CYBC1: variants seen among roughly 807,000 people sequenced by gnomAD.
CYBC1 encodes essential for reactive oxygen species protein.
A neutral mutation model predicts 21.7 loss-of-function variants in CYBC1; 22 were observed. The observed-to-expected ratio is 1.02, with a 90% CI of 0.73 to 1.45. CYBC1 has a LOEUF of 1.45. Ranked by LOEUF, CYBC1 falls within the 40% of genes most tolerant of loss-of-function variation. The pLI is 0.00. For synonymous variants in CYBC1, 112 were observed against 98.7 expected, an observed-to-expected ratio of 1.13 and a Z score of -0.80; for missense variants, 237 against 242.1, an observed-to-expected ratio of 0.98 and a Z score of 0.14.
rs942096822 is a variant in CYBC1, at chr17:82,444,342, C to T, written c.443+105G>A. On this transcript the variant is annotated intron_variant, in intron 6 of 6. Coordinates refer to ENST00000306645, the MANE Select transcript of CYBC1 (RefSeq NM_001033046.4). ...CGTGGGCCCCTCTGTGTCCCGTCCA[C>T]AAACTCATCTCCTCTCCCAGCTGCC... 14 of 1,507,266 alleles carry T rather than the reference C, an allele frequency of 9.3e-6. No homozygotes were observed. In the East Asian group the frequency reaches 3.0e-4, roughly 32 times the overall value. 93.4% of individuals were successfully genotyped at this position (1,507,266 alleles called of 1,614,324 possible).
At chr17:82,446,318 C>T (rs1278347427) in intron 4 of CYBC1, among the ~76,000 whole-genome samples, 1 of 152,170 alleles carries the variant, frequency 6.6e-6, no homozygotes, top group African/African-American at 2.4e-5. Flanking sequence ...GGTGGGAGGG[C>T]CGGCCACGGG....
intron 2 of CYBC1, 193 bp downstream of exon 2, chr17:82,448,975 AAG>A: frequency 1.8e-6 from 1 of 567,812 alleles, no homozygotes. Flanking sequence ...TAGTGATTAA[AAG>A]GGGACAAAAC....
intron 3 of CYBC1, chr17:82,446,944 G>A (rs1046590012): frequency 1.8e-6 from 1 of 567,014 alleles, no homozygotes; most frequent in Non-Finnish European, 3.2e-6. Flanking sequence ...GCCCGTCTGG[G>A]CAGGCCCAGT....
intron 2 of CYBC1, 167 bp downstream of exon 2, chr17:82,449,003 G>A: frequency 1.7e-6 from 1 of 605,412 alleles, no homozygotes; most frequent in African/African-American, 1.9e-5. Context: ...TGCATTATCT[G>A]TAAAACCAAG....
intron 5 of CYBC1, chr17:82,444,875 G>A (rs1189453287): frequency 1.4e-5 from 6 of 437,060 alleles, no homozygotes; most frequent in East Asian, 7.9e-5. Context: ...CGCTCAGCGC[G>A]AGGCCATCTT....
At chr17:82,447,785 C>A in intron 2 of CYBC1, 164 bp from the exon 3 acceptor site, 1 of 681,812 alleles carries the variant, frequency 1.5e-6, no homozygotes, top group Non-Finnish European at 2.6e-6. Context: ...GGGGAAACAG[C>A]CAGGAAGCTG....
chr17:82,444,678 C>T (rs577077058), intron 5 of CYBC1, 87 bp from the exon 6 acceptor site: 105 of 1,470,918 alleles, frequency 7.1e-5, no homozygotes, highest in Non-Finnish European at 8.7e-5. Flanking sequence ...TCATCGAAAG[C>T]GACAGCCACA....
At chr17:82,446,149 G>A (rs553789881) in intron 4 of CYBC1, among the ~76,000 whole-genome samples, 189 bp from the exon 5 acceptor site, 2 of 152,204 alleles carry the variant, frequency 1.3e-5, no homozygotes, top group Admixed American at 6.5e-5. Context: ...CAGCCAACCC[G>A]ACTCCTGTTG....
In CYBC1 at chr17:82,446,573, C is replaced by T. The variant is rs776577551; in HGVS notation, c.201+50G>A. 1.5e-5 allele frequency: 24 copies of T among 1,588,242 alleles called. No individual in the cohort carries two copies. The Admixed American group carries it at 4.0e-4, about 27-fold the overall frequency. On this transcript the variant is annotated intron_variant, in intron 4 of 6. Coordinates refer to ENST00000306645, the MANE Select transcript of CYBC1 (RefSeq NM_001033046.4). ...TCCTTTCATTCCCATTGCAAAAAAC[C>T]CAGGAGCTGAACAGCCCTGGACTCT...
At chr17:82,447,544 G>A in intron 3 of CYBC1, 36 bp downstream of exon 3, 1 of 864,986 alleles carries the variant, frequency 1.2e-6, no homozygotes, top group Non-Finnish European at 1.7e-6. Context: ...AAACAGCTGA[G>A]ACAGTCATGG....
intron 2 of CYBC1, 200 bp from the exon 3 acceptor site, chr17:82,447,821 G>A (rs1292928460): frequency 2.5e-5 from 16 of 633,188 alleles, no homozygotes; most frequent in African/African-American, 9.2e-5. Context: ...ATAGCTGGGC[G>A]TAGTATCACA....
Position 82,444,337 on chromosome 17 carries a change from G to A in CYBC1, c.443+110C>T, listed in dbSNP as rs544559279. The stretch of plus-strand genomic sequence containing the variant: ...CTTCCCGTGGGCCCCTCTGTGTCCC[G>A]TCCACAAACTCATCTCCTCTCCCAG... On this transcript the variant is annotated intron_variant, in intron 6 of 6. Coordinates refer to ENST00000306645, the MANE Select transcript of CYBC1 (RefSeq NM_001033046.4). The A allele has an allele frequency of 1.4e-3, 2,095 of 1,493,134 alleles. 9 individuals carry two copies. The highest frequency in any genetic ancestry group is 4.0e-3 in the South Asian group (308 of 77,616). The allele number at this position is 1,493,134 out of a possible 1,614,324, so 92.5% of individuals were successfully genotyped here.
intron 5 of CYBC1, chr17:82,445,222 CGGACCCCG>C (rs1262601329): frequency 6.5e-6 from 1 of 153,954 alleles, no homozygotes; most frequent in African/African-American, 2.4e-5. Flanking sequence ...CATGGGCGGC[CGGACCCCG>C]GGGCCTCTGT....
At position 82,449,248 on chromosome 17, in the gene CYBC1, G is replaced by A. The variant is rs2054459352; in HGVS notation, c.7C>T (p.Leu3=). Residue 3 remains leucine (L), a synonymous_variant, in exon 2 of 7, where the codon CTG becomes TTG. Transcript: ENST00000306645. ...GAGCTGGTGCGGGTCTCCACCTGCA[G>A]GTACATCCCGAGAGGGCAGCACCAC... is the stretch of plus-strand genomic sequence containing the variant. MY[L]QVETRTSSRL... 6.4e-7 allele frequency: 1 copy of A among 1,568,952 alleles called. No homozygotes were observed. Among genetic ancestry groups the A allele is most frequent in the African/African-American group, 1.4e-5 (1 of 73,738 alleles).
intron 3 of CYBC1, 181 bp downstream of exon 3, chr17:82,447,399 G>A: frequency 1.5e-6 from 1 of 645,708 alleles, no homozygotes; most frequent in Non-Finnish European, 2.8e-6. Context: ...CGCTGGGCAG[G>A]ATGGGCGTGC....
At chr17:82,449,071 G>T in intron 2 of CYBC1, 99 bp downstream of exon 2, 1 of 953,276 alleles carries the variant, frequency 1.0e-6, no homozygotes, top group South Asian at 1.6e-5. Context: ...AGATTTCAAG[G>T]TAATAGAAAA....
At position 82,443,986 on chromosome 17, in the gene CYBC1, TC is replaced by T. The variant is rs770517836; in HGVS notation, c.*17del. 7 of 1,610,940 alleles carry T rather than the reference TC, an allele frequency of 4.3e-6. No homozygotes were observed. In the East Asian group the frequency reaches 1.6e-4, roughly 36 times the overall value. ...TGGGTCCTGTGGGCGGTGCACGGGCTCAGGCACAGTGGGGCTGTCAGCTCTG... is the reference window on the plus strand; with the variant it reads ...TGGGTCCTGTGGGCGGTGCACGGGCTAGGCACAGTGGGGCTGTCAGCTCTG... On this transcript the variant is annotated 3_prime_UTR_variant, in exon 7 of 7. Coordinates refer to ENST00000306645, the MANE Select transcript of CYBC1 (RefSeq NM_001033046.4). The surrounding 1 kb of genome is among the most constrained non-coding windows in gnomAD (Gnocchi z 6.7).
In CYBC1 at chr17:82,443,417, G is replaced by A. The variant is rs745948435; in HGVS notation, c.*587C>T. The A allele has an allele frequency of 7.2e-5, 42 of 580,676 alleles. No individual in the cohort carries two copies. The highest frequency in any genetic ancestry group is 5.8e-4 in the African/African-American group (32 of 54,732). The allele number at this position is 580,676 out of a possible 1,614,324, so 36.0% of individuals were successfully genotyped here. Reference sequence around the variant, plus strand: ...GCAGCTTCCACAGTGTGGCTGCAGCGTGCACAGCCAGGTAGGCCCTGGATG... The same window carrying A: ...GCAGCTTCCACAGTGTGGCTGCAGCATGCACAGCCAGGTAGGCCCTGGATG... On this transcript the variant is annotated 3_prime_UTR_variant, in exon 7 of 7. Coordinates refer to ENST00000306645, the MANE Select transcript of CYBC1 (RefSeq NM_001033046.4). The surrounding 1 kb of genome is among the most constrained non-coding windows in gnomAD (Gnocchi z 6.7).
Position 82,447,565 on chromosome 17 carries a change from C to CGGGGGGGGGG in CYBC1, c.127+14_127+15insCCCCCCCCCC. ...CTGAGACAGTCATGGGGGGGTGGGG[C>CGGGGGGGGGG]GGGGGGTGCTTTACCTCCGCTGTAG... On this transcript the variant is annotated intron_variant, in intron 3 of 6. Coordinates refer to ENST00000306645, the MANE Select transcript of CYBC1 (RefSeq NM_001033046.4). The CGGGGGGGGGG allele has an allele frequency of 1.4e-6, 1 of 726,824 alleles. No homozygotes were observed. The highest frequency in any genetic ancestry group is 3.2e-5 in the African/African-American group (1 of 31,146). 45.0% of individuals were successfully genotyped at this position (726,824 alleles called of 1,614,324 possible).
Sources: allele counts gnomAD v4.1 joint callset (sites outside exome capture counted in the v4.1 genomes callset), GRCh38; gene constraint gnomAD v4.1.1; non-coding constraint Gnocchi (gnomAD v3.1); transcripts MANE v1.5; gene names NCBI Gene and HGNC (gene_info 2026-07-23, HGNC 2026-07-21).